Variants in FHIP1B observed in about 807,000 individuals in gnomAD.
FHIP1B encodes FHF complex subunit HOOK interacting protein 1B, also known as FHF complex subunit HOOK-interacting protein 1B.
Under a neutral mutation model 82.2 loss-of-function variants are expected in FHIP1B, and 28 were observed. That is an observed-to-expected ratio of 0.34 (90% CI 0.25 to 0.47). The LOEUF (loss-of-function observed/expected upper bound fraction) is 0.47, where lower values mean the gene tolerates loss of function less well. FHIP1B is among the 20% of genes least tolerant of loss of function. FHIP1B has a pLI of 1.00. For missense variants in FHIP1B, 1,110 were observed against 1,262.6 expected (o/e 0.88, Z 1.83); for synonymous variants, 585 against 516.1 (o/e 1.13, Z -1.81).
Position 6,217,537 on chromosome 11 carries a change from C to T in FHIP1B, c.2049G>A (p.Val683=). The change falls in exon 9 of 12, where the codon GTG becomes GTA. Residue 683 remains valine, a synonymous_variant. Transcript: ENST00000449352. ...AGCCAGTTCCCCCATTGCTCAATGC[C>T]ACCTCTAGCTCCCGGAGCTCCTGCC... The part of the protein sequence containing the change: ...GFGQELRELE[V]ALSNGGTGSE... 6.2e-7 allele frequency: 1 copy of T among 1,610,268 alleles called. No homozygotes were observed. The highest frequency in any genetic ancestry group is 1.1e-5 in the South Asian group (1 of 90,658).
At chr11:6,230,661 C>T (rs1006222058) in intron 1 of FHIP1B, among the ~76,000 whole-genome samples, 1 of 152,184 alleles carries the variant, frequency 6.6e-6, no homozygotes, top group African/African-American at 2.4e-5. Flanking sequence ...AAAAGTGAAC[C>T]TCTATTCTAC....
chr11:6,219,081 C>T, intron 6 of FHIP1B, 31 bp from the exon 7 acceptor site: 1 of 1,545,472 alleles, frequency 6.5e-7, no homozygotes, highest in Non-Finnish European at 8.9e-7. Flanking sequence ...GAGGGAGTCA[C>T]CATAAGAGCT....
At chr11:6,228,480 T>A (rs1708228834) in intron 1 of FHIP1B, among the ~76,000 whole-genome samples, 1 of 152,036 alleles carries the variant, frequency 6.6e-6, no homozygotes, top group African/African-American at 2.4e-5. Flanking sequence ...CTGAAGAAAG[T>A]GACAAGTTAT....
chr11:6,218,144 C>A lies in FHIP1B; in HGVS notation c.1442G>T (p.Gly481Val). ...PEHASWARGP[G>V]SPSVDSSSVT... The stretch of plus-strand genomic sequence containing the variant: ...AGAAGAGGAGTCCACACTTGGGCTT[C>A]CAGGACCTGCAAAGGGAAAAAATAT... Residue 481 changes from glycine (G) to valine (V), a missense_variant, in exon 9 of 12, where the codon GGA becomes GTA. By Grantham distance (109) the Gly-to-Val change is moderately radical. Coordinates refer to ENST00000449352, the MANE Select transcript of FHIP1B (RefSeq NM_001098794.2). 2 of 1,610,446 alleles carry A rather than the reference C, an allele frequency of 1.2e-6. No homozygotes were observed. Among genetic ancestry groups the A allele is most frequent in the Non-Finnish European group, 1.7e-6 (2 of 1,178,254 alleles).
chr11:6,216,992 CAGG>C, intron 9 of FHIP1B: 1 of 662,194 alleles, frequency 1.5e-6, no homozygotes, highest in South Asian at 1.7e-5. Flanking sequence ...CCTCTCCATA[CAGG>C]ACAGCACATA....
rs1256422912 is a variant in FHIP1B, at chr11:6,229,459, GAA to G, written c.-191-4754_-191-4753del. On this transcript the variant is annotated intron_variant, in intron 1 of 11. Transcript: ENST00000449352. ...CCCAAGTGCCCATATCTCTGACTGA[GAA>G]AAGAGATATAACCTGCTCTGATGTG... 2.6e-5 allele frequency among the ~76,000 whole-genome samples: 4 copies of G among 152,286 alleles called. No individual in the cohort carries two copies. In the East Asian group the frequency reaches 7.7e-4, roughly 29 times the overall value.
Position 6,211,446 on chromosome 11 carries a change from G to A in FHIP1B, c.*60C>T, listed in dbSNP as rs1303442003. On this transcript the variant is annotated 3_prime_UTR_variant, in exon 12 of 12. Coordinates refer to ENST00000449352, the MANE Select transcript of FHIP1B (RefSeq NM_001098794.2). Reference sequence around the variant, plus strand: ...TGCCACTGCCTCCAAACATAAAAAGGAGCCTGTGCCCTAGCCCCAGCCCGG... The same window carrying A: ...TGCCACTGCCTCCAAACATAAAAAGAAGCCTGTGCCCTAGCCCCAGCCCGG... 3 of 1,504,474 alleles carry A rather than the reference G, an allele frequency of 2.0e-6. No homozygotes were observed. Among genetic ancestry groups the A allele is most frequent in the Non-Finnish European group, 2.7e-6 (3 of 1,130,812 alleles). 93.2% of individuals were successfully genotyped at this position (1,504,474 alleles called of 1,614,324 possible). A position where few individuals can be genotyped will look rare whatever the true frequency, so the allele number is the denominator to read the frequency against.
intron 1 of FHIP1B, among the ~76,000 whole-genome samples, chr11:6,233,214 G>C (rs1419233142): frequency 1.3e-5 from 2 of 152,224 alleles, no homozygotes; most frequent in African/African-American, 2.4e-5. Flanking sequence ...TGGGGACTGA[G>C]GCTGTCTAAT....
In FHIP1B at chr11:6,212,124, CCT is replaced by C. The variant is rs544452630; in HGVS notation, c.2558-259_2558-258del. The C allele has an allele frequency of 1.6e-3, 395 of 248,698 alleles. 1 individual carries two copies. The highest frequency in any genetic ancestry group is 2.3e-3 in the Non-Finnish European group (356 of 156,476). 15.4% of individuals were successfully genotyped at this position (248,698 alleles called of 1,614,324 possible). ...AAATACTGCCTGCCCAGCCTTTTTC[CCT>C]CTATCCAGCCTCCCCACCCAGCCAA... On this transcript the variant is annotated intron_variant, in intron 11 of 11. Coordinates refer to ENST00000449352, the MANE Select transcript of FHIP1B (RefSeq NM_001098794.2).
chr11:6,221,714 C>A lies in FHIP1B; in HGVS notation c.1191+728G>T, dbSNP rs541486668. On this transcript the variant is annotated intron_variant, in intron 6 of 11. Transcript: ENST00000449352. ...CAATAAGTTAACTCCTTTATAATCT[C>A]TATGTCTCAGTTCAATGTCATCTCT... Among the ~76,000 whole-genome samples the A allele has an allele frequency of 2.0e-5, 3 of 152,250 alleles. No homozygotes were observed. In the East Asian group the frequency reaches 5.8e-4, roughly 29 times the overall value.
In FHIP1B at chr11:6,211,579, G is replaced by A. The variant is rs1334334794; in HGVS notation, c.2846C>T (p.Ser949Leu). 1.2e-6 allele frequency: 2 copies of A among 1,614,100 alleles called. No individual in the cohort carries two copies. The highest frequency in any genetic ancestry group is 1.7e-5 in the Admixed American group (1 of 60,008). ...AAISQAHAVT[S>L]PFLLETSEEG... ...CTCTGAAGTCTCCAACAAGAAAGGC[G>A]AGGTGACGGCATGAGCCTGGGAGAT... The change falls in exon 12 of 12, where the codon TCG becomes TTG. Residue 949 changes from serine to leucine, a missense_variant. Transcript: ENST00000449352.
At chr11:6,212,335 G>T (rs764016178) in intron 11 of FHIP1B, among the ~76,000 whole-genome samples, 1 of 151,878 alleles carries the variant, frequency 6.6e-6, no homozygotes. Flanking sequence ...TCACCCTTCC[G>T]AACTAGTCAA....
Position 6,220,364 on chromosome 11 carries a change from C to A in FHIP1B, c.1192-1314G>T, listed in dbSNP as rs7116070. On this transcript the variant is annotated intron_variant, in intron 6 of 11. Transcript: ENST00000449352. ...CGGCCTCCTGAAAGGAACACAGACC[C>A]CACCCCCCAAAATTTTGATTTTAGC... Among the ~76,000 whole-genome samples, 907 of 152,200 alleles carry A rather than the reference C, an allele frequency of 6.0e-3. 9 individuals carry two copies. Among genetic ancestry groups the A allele is most frequent in the African/African-American group, 0.021 (875 of 41,510 alleles).
chr11:6,234,568 T>C lies in FHIP1B; in HGVS notation c.-216A>G, dbSNP rs1370304324. ...CCGTTCACTCACGGAACGCCGAACC[T>C]GGCCGGGCCCGGTTGCTGCTGCGGT... On this transcript the variant is annotated 5_prime_UTR_variant, in exon 1 of 12. Coordinates refer to ENST00000449352, the MANE Select transcript of FHIP1B (RefSeq NM_001098794.2). The C allele has an allele frequency of 2.0e-5, 3 of 152,436 alleles. No individual in the cohort carries two copies. Among genetic ancestry groups the C allele is most frequent in the African/African-American group, 7.2e-5 (3 of 41,458 alleles). The allele number at this position is 152,436 out of a possible 1,614,324, so 9.4% of individuals were successfully genotyped here.
At chr11:6,230,955 T>C (rs1847681608) in intron 1 of FHIP1B, among the ~76,000 whole-genome samples, 1 of 152,198 alleles carries the variant, frequency 6.6e-6, no homozygotes, top group Admixed American at 6.5e-5. Context: ...AGCTAAATGA[T>C]GCCATATTAA....
Position 6,214,929 on chromosome 11 carries a change from T to A in FHIP1B, c.2216-18A>T, listed in dbSNP as rs746401221. Reference sequence around the variant, plus strand: ...GAAGGGGCCTGGGTTGGGGGGGAGGTGGGCACAAGGATACAAAGCCTGAAC... The same window carrying A: ...GAAGGGGCCTGGGTTGGGGGGGAGGAGGGCACAAGGATACAAAGCCTGAAC... On this transcript the variant is annotated intron_variant, in intron 9 of 11. Coordinates refer to ENST00000449352, the MANE Select transcript of FHIP1B (RefSeq NM_001098794.2). The A allele has an allele frequency of 1.3e-6, 2 of 1,532,324 alleles. No homozygotes were observed. Among genetic ancestry groups the A allele is most frequent in the East Asian group, 4.6e-5 (2 of 43,320 alleles). 94.9% of individuals were successfully genotyped at this position (1,532,324 alleles called of 1,614,324 possible).
chr11:6,222,778 C>T (rs1355485598), intron 5 of FHIP1B, 33 bp downstream of exon 5: 1 of 1,606,284 alleles, frequency 6.2e-7, no homozygotes, highest in Admixed American at 1.7e-5. Context: ...TGCAGCTTAG[C>T]CCCTTATATG....
In FHIP1B at chr11:6,211,666, C is replaced by T. The variant is rs1416622926; in HGVS notation, c.2759G>A (p.Arg920Gln). The T allele has an allele frequency of 2.5e-6, 4 of 1,614,100 alleles. No homozygotes were observed. The highest frequency in any genetic ancestry group is 1.7e-5 in the Admixed American group (1 of 60,006). The change falls in exon 12 of 12, where the codon CGA (arginine) becomes CAA (glutamine). Residue 920 changes from arginine (R) to glutamine (Q), a missense_variant. By Grantham distance (43) the Arg-to-Gln change is conservative. This residue lies in a region of FHIP1B where 147 missense variants were observed against 154.0 expected (regional missense o/e 0.95). Coordinates refer to ENST00000449352, the MANE Select transcript of FHIP1B (RefSeq NM_001098794.2). ...TGCACAGTAGACAGCATTCTTGACT[C>T]GAAGAGCCTCACCTTGGCGTTCAGG... ...GAPERQGEAL[R>Q]VKNAVYCAVI...
At chr11:6,213,218 T>C (rs1010085993) in intron 11 of FHIP1B, among the ~76,000 whole-genome samples, 5 of 152,264 alleles carry the variant, frequency 3.3e-5, no homozygotes, top group Admixed American at 3.3e-4. Context: ...GTAACTTTTA[T>C]GGTACTCTCT....
Sources: allele counts gnomAD v4.1 joint callset (sites outside exome capture counted in the v4.1 genomes callset), GRCh38; gene constraint gnomAD v4.1.1; regional missense constraint gnomAD v4.1.1; transcripts MANE v1.5; gene names NCBI Gene and HGNC (gene_info 2026-07-23, HGNC 2026-07-21).